Variants in RYR2 observed in about 807,000 individuals in gnomAD.
RYR2 encodes the protein cardiac muscle ryanodine receptor-calcium release channel.
RYR2 carries 227 observed loss-of-function variants against 601.1 expected under a neutral mutation model. That is an observed-to-expected ratio of 0.38 (90% CI 0.34 to 0.42). The LOEUF (loss-of-function observed/expected upper bound fraction) is 0.42, where lower values mean the gene tolerates loss of function less well. Ranked by LOEUF, RYR2 falls within the 10% of genes least tolerant of loss-of-function variation. The pLI, the probability that RYR2 is intolerant of heterozygous loss-of-function variation, is 1.00. For missense variants in RYR2, 4,646 were observed against 6,156.5 expected (o/e 0.75, Z 8.21); for synonymous variants, 2,223 against 2,175.1 (o/e 1.02, Z -0.61).
chr1:237,190,267 C>T (rs1019651705), intron 1 of RYR2, among the ~76,000 whole-genome samples: 2 of 152,142 alleles, frequency 1.3e-5, no homozygotes, highest in South Asian at 2.1e-4. Context: ...TGCAGCCTTG[C>T]CAACACTTGC....
At chr1:237,268,118 G>C (rs1689249552) in intron 1 of RYR2, among the ~76,000 whole-genome samples, 1 of 152,002 alleles carries the variant, frequency 6.6e-6, no homozygotes, top group African/African-American at 2.4e-5. Context: ...ACCTCATCTT[G>C]CTGTCTTCTC....
At chr1:237,279,931 G>A (rs976159235) in intron 2 of RYR2, among the ~76,000 whole-genome samples, 13 of 152,178 alleles carry the variant, frequency 8.5e-5, no homozygotes, top group South Asian at 4.1e-4. Flanking sequence ...CACATTCACA[G>A]TATGTATGAA....
At chr1:237,816,693 GAAA>G (rs35910763) in intron 100 of RYR2, among the ~76,000 whole-genome samples, 94,393 of 144,610 alleles carry the variant, frequency 0.65, 30,188 homozygotes, top group East Asian at 0.94. Flanking sequence ...TATGTAGAAA[GAAA>G]AAAAAAAAAA....
chr1:237,731,310 TA>T (rs1690657572), intron 77 of RYR2, among the ~76,000 whole-genome samples: 1 of 151,978 alleles, frequency 6.6e-6, no homozygotes, highest in Admixed American at 6.6e-5. Flanking sequence ...ATTCTGCCAA[TA>T]AAAATGCTTA....
chr1:237,751,228 CT>C (rs1692511404), intron 80 of RYR2, among the ~76,000 whole-genome samples: 1 of 152,152 alleles, frequency 6.6e-6, no homozygotes. Context: ...CTGCATAGTA[CT>C]TGCTTTCTGT....
chr1:237,571,831 G>A (rs1036402871), intron 29 of RYR2, among the ~76,000 whole-genome samples: 25 of 152,018 alleles, frequency 1.6e-4, no homozygotes, highest in Non-Finnish European at 3.2e-4. Context: ...GGAGATACAT[G>A]GTAAGTCTAA....
intron 14 of RYR2, among the ~76,000 whole-genome samples, chr1:237,449,711 T>G (rs1162444738): frequency 1.3e-5 from 2 of 152,110 alleles, no homozygotes; most frequent in African/African-American, 4.8e-5. Flanking sequence ...TTTTTTGCCT[T>G]CATTTTAAGT....
chr1:237,180,569 T>A lies in RYR2; in HGVS notation c.49-89928T>A, dbSNP rs529031325. On this transcript the variant is annotated intron_variant, in intron 1 of 104. Transcript: ENST00000366574. This position sits in a 1 kb window ranked among gnomAD's most constrained non-coding sequence, Gnocchi z 5.3. ...ATTGAAAAAAACCCAAATATATATATGTGTGTGTGTGTATATATGTATATA... is the reference window on the plus strand; with the variant it reads ...ATTGAAAAAAACCCAAATATATATAAGTGTGTGTGTGTATATATGTATATA... 8.7e-5 allele frequency among the ~76,000 whole-genome samples: 13 copies of A among 149,674 alleles called. No homozygotes were observed. The East Asian group carries it at 2.1e-3, about 25-fold the overall frequency.
intron 1 of RYR2, among the ~76,000 whole-genome samples, chr1:237,187,433 G>T (rs71642886): frequency 8.0e-6 from 1 of 124,422 alleles, no homozygotes; most frequent in Non-Finnish European, 1.6e-5. Context: ...GAGCCAACAC[G>T]CCCGGCCGAC....
rs969500202 is a variant in RYR2 at position 237,456,624 on chromosome 1, T to G, written c.1501T>G (p.Cys501Gly). The G allele has an allele frequency of 1.2e-6, 2 of 1,600,696 alleles. No individual in the cohort carries two copies. Among genetic ancestry groups the G allele is most frequent in the Non-Finnish European group, 1.7e-6 (2 of 1,172,030 alleles). ...GGGAATGATCAACCTCGTGCTTGAG[T>G]GCATAGACCGTTTGCACGTCTACAG... ...EEGMINLVLECIDRLHVYSSA... is the reference protein window; with the variant it reads ...EEGMINLVLEGIDRLHVYSSA... The change falls in exon 16 of 105, where the codon TGC (cysteine) becomes GGC (glycine). Residue 501 changes from cysteine (C) to glycine (G), a missense_variant. Around this residue, in one of 17 missense-constraint regions of RYR2, gnomAD observed 1,807 missense variants for 2,088.1 expected, o/e 0.87. Transcript: ENST00000366574.
intron 1 of RYR2, among the ~76,000 whole-genome samples, chr1:237,217,579 A>AGGAC (rs1228115589): frequency 2.6e-5 from 4 of 152,184 alleles, no homozygotes; most frequent in African/African-American, 9.7e-5. Flanking sequence ...CCAAGTTCAT[A>AGGAC]GGACGGCAGA....
chr1:237,620,953 C>T (rs543685210), intron 38 of RYR2, among the ~76,000 whole-genome samples: 2 of 152,216 alleles, frequency 1.3e-5, no homozygotes, highest in East Asian at 1.9e-4. Context: ...CTCCACCCAA[C>T]GACAAGGTAC....
chr1:237,512,571 T>C (rs1268400805), intron 24 of RYR2, among the ~76,000 whole-genome samples: 1 of 152,132 alleles, frequency 6.6e-6, no homozygotes, highest in Admixed American at 6.5e-5. Flanking sequence ...TTTGTTTTAG[T>C]TTTTTAAGGA....
intron 2 of RYR2, among the ~76,000 whole-genome samples, chr1:237,314,641 G>A (rs1572573547): frequency 6.6e-6 from 1 of 152,300 alleles, no homozygotes; most frequent in South Asian, 2.1e-4. Flanking sequence ...ATTGAAGAAG[G>A]TTGAGCAGTT....
chr1:237,828,219 GCCT>G (rs1558499281), intron 101 of RYR2, among the ~76,000 whole-genome samples, 159 bp from the exon 102 acceptor site: 2 of 152,110 alleles, frequency 1.3e-5, no homozygotes, highest in African/African-American at 2.4e-5. Flanking sequence ...ACAGAACACC[GCCT>G]CCTTTCTCCT....
intron 33 of RYR2, 29 bp downstream of exon 33, chr1:237,593,665 T>C (rs770285575): frequency 1.2e-6 from 2 of 1,611,486 alleles, no homozygotes; most frequent in South Asian, 2.2e-5. Context: ...TTTGCAAGAA[T>C]GACATGTGAA....
rs1410966233 is a variant in RYR2 at position 237,612,025 on chromosome 1, T to A, written c.4910+1037T>A. Among the ~76,000 whole-genome samples the A allele has an allele frequency of 6.6e-5, 10 of 152,136 alleles. 1 individual carries two copies. Among genetic ancestry groups the A allele is most frequent in the Non-Finnish European group, 1.5e-4 (10 of 67,990 alleles). ...AGTAAAAGAAAGGGAACCCCAAATG[T>A]TCACCAGCTTATGAGTCAATAAACA... On this transcript the variant is annotated intron_variant, in intron 36 of 104. Transcript: ENST00000366574.
At chr1:237,443,627 T>C (rs548901669) in intron 13 of RYR2, among the ~76,000 whole-genome samples, 1 of 152,344 alleles carries the variant, frequency 6.6e-6, no homozygotes, top group South Asian at 2.1e-4. Context: ...AATTATTACA[T>C]GTATATTTAC....
chr1:237,673,326 A>G (rs1260634199), intron 58 of RYR2, among the ~76,000 whole-genome samples: 1 of 152,060 alleles, frequency 6.6e-6, no homozygotes, highest in Non-Finnish European at 1.5e-5. Flanking sequence ...ATTTTTTTAT[A>G]ATTTTTGCAA....
Sources: allele counts gnomAD v4.1 joint callset (sites outside exome capture counted in the v4.1 genomes callset), GRCh38; gene constraint gnomAD v4.1.1; regional missense constraint gnomAD v4.1.1; non-coding constraint Gnocchi (gnomAD v3.1); transcripts MANE v1.5; gene names NCBI Gene and HGNC (gene_info 2026-07-23, HGNC 2026-07-21).